Variants in TERT observed in about 807,000 individuals in gnomAD.
TERT encodes the protein telomerase catalytic subunit.
TERT carries 42 observed loss-of-function variants against 104.0 expected under a neutral mutation model. That is an observed-to-expected ratio of 0.40 (90% confidence interval 0.32 to 0.52). The LOEUF (loss-of-function observed/expected upper bound fraction) is 0.52, where lower values mean the gene tolerates loss of function less well. Ranked by LOEUF, TERT falls within the 20% of genes least tolerant of loss-of-function variation. The pLI is 0.43. For missense variants in TERT, 1,101 were observed against 1,610.3 expected (o/e 0.68, Z 5.41); for synonymous variants, 781 against 725.6 (o/e 1.08, Z -1.23).
At chr5:1,266,396 C>A in intron 10 of TERT, 68 bp downstream of exon 10, 1 of 1,350,746 alleles carries the variant, frequency 7.4e-7, no homozygotes. Context: ...AGGGGCAGGA[C>A]ACGGGGGGCT....
rs1231350478 is a variant in TERT at position 1,255,877 on chromosome 5, G to A, written c.3033-466C>T. ...CTTCTGAGCCACCCGCCCCTGTGGT[G>A]CATAAACCCTGGGTCTGGGGTGATG... On this transcript the variant is annotated intron_variant, in intron 13 of 15. Coordinates refer to ENST00000310581, the MANE Select transcript of TERT (RefSeq NM_198253.3). This position sits in a 1 kb window ranked among gnomAD's most constrained non-coding sequence, Gnocchi z 6.9. 6.6e-6 allele frequency among the ~76,000 whole-genome samples: 1 copy of A among 151,998 alleles called. No homozygotes were observed. The highest frequency in any genetic ancestry group is 1.5e-5 in the Non-Finnish European group (1 of 68,004).
In TERT at chr5:1,275,974, C is replaced by T. The variant is rs541603990; in HGVS notation, c.2286+2667G>A. ...AACTCCACAGATCCCCACCTACCCCCACACATAAAAACCAACTCCACAGAT... is the reference window on the plus strand; with the variant it reads ...AACTCCACAGATCCCCACCTACCCCTACACATAAAAACCAACTCCACAGAT... On this transcript the variant is annotated intron_variant, in intron 6 of 15. Transcript: ENST00000310581. Among the ~76,000 whole-genome samples, 9 of 140,400 alleles carry T rather than the reference C, an allele frequency of 6.4e-5. No individual in the cohort carries two copies. The East Asian group carries it at 6.5e-4, about 10-fold the overall frequency. The allele number at this position is 140,400 out of a possible 152,430, so 92.1% of individuals were successfully genotyped here. A position where few individuals can be genotyped will look rare whatever the true frequency, so the allele number is the denominator to read the frequency against.
chr5:1,293,384 G>C lies in TERT; in HGVS notation c.1502C>G (p.Ala501Gly). The C allele has an allele frequency of 6.2e-7, 1 of 1,613,362 alleles. No homozygotes were observed. The highest frequency in any genetic ancestry group is 8.5e-7 in the Non-Finnish European group (1 of 1,180,006). The change falls in exon 2 of 16, where the codon GCC (alanine) becomes GGC (glycine). Residue 501 changes from alanine to glycine, a missense_variant. Around this residue, in one of 5 missense-constraint regions of TERT, gnomAD observed 504 missense variants for 544.6 expected, o/e 0.93. Transcript: ENST00000310581. Reference sequence around the variant, plus strand: ...CGTCAGCTCCTGCAGCGAGAGCTTGGCATGCTTCCCCAGGGAGATGAACTT... The same window carrying C: ...CGTCAGCTCCTGCAGCGAGAGCTTGCCATGCTTCCCCAGGGAGATGAACTT... The part of the protein sequence containing the change: ...TKKFISLGKH[A>G]KLSLQELTWK...
rs375652460 is a variant in TERT at position 1,286,233 on chromosome 5, G to A, written c.1574-3609C>T. ...CTGTGCATCATAAGCAGAGGTCCCC[G>A]GACGTCGCTAGATGCCATGGAGGCC... On this transcript the variant is annotated intron_variant, in intron 2 of 15. Coordinates refer to ENST00000310581, the MANE Select transcript of TERT (RefSeq NM_198253.3). The surrounding 1 kb of genome is among the most constrained non-coding windows in gnomAD (Gnocchi z 5.3). Among the ~76,000 whole-genome samples the A allele has an allele frequency of 7.9e-5, 12 of 152,214 alleles. No homozygotes were observed. The South Asian group carries it at 1.5e-3, about 18-fold the overall frequency.
At chr5:1,253,898 A>AC in intron 15 of TERT, 67 bp from the exon 16 acceptor site, 1 of 1,521,674 alleles carries the variant, frequency 6.6e-7, no homozygotes, top group South Asian at 1.2e-5. Context: ...CCCTCCTAGG[A>AC]CGTGTGGGTG....
intron 9 of TERT, among the ~76,000 whole-genome samples, chr5:1,267,618 A>G (rs533557565): frequency 6.6e-6 from 1 of 152,376 alleles, no homozygotes; most frequent in South Asian, 2.1e-4. Flanking sequence ...GATTAAGAAA[A>G]TGTGGCACAT....
In TERT at chr5:1,268,958, A is replaced by C. The variant is rs1419545730; in HGVS notation, c.2469-325T>G. On this transcript the variant is annotated intron_variant, in intron 8 of 15. Transcript: ENST00000310581. This position sits in a 1 kb window ranked among gnomAD's most constrained non-coding sequence, Gnocchi z 5.5. The stretch of plus-strand genomic sequence containing the variant: ...AGAACCAGACACTTGACCCGGAATG[A>C]ATGCTTAACCGGACTCCTTTTTTTT... Among the ~76,000 whole-genome samples the C allele has an allele frequency of 6.6e-6, 1 of 151,992 alleles. No homozygotes were observed. Among genetic ancestry groups the C allele is most frequent in the Non-Finnish European group, 1.5e-5 (1 of 68,002 alleles).
intron 15 of TERT, among the ~76,000 whole-genome samples, 157 bp from the exon 16 acceptor site, chr5:1,253,988 C>T (rs958364369): frequency 6.6e-6 from 1 of 152,324 alleles, no homozygotes; most frequent in African/African-American, 2.4e-5. Context: ...TCCACCGGGG[C>T]GAGCAGACAG....
chr5:1,267,870 A>AT (rs1462799645), intron 9 of TERT, among the ~76,000 whole-genome samples: 2 of 152,126 alleles, frequency 1.3e-5, no homozygotes, highest in Admixed American at 1.3e-4. Context: ...GCATTAGGAG[A>AT]TATACCTAAT....
intron 2 of TERT, among the ~76,000 whole-genome samples, chr5:1,289,212 C>A (rs1459564282): frequency 2.3e-5 from 3 of 132,248 alleles, no homozygotes; most frequent in Non-Finnish European, 4.9e-5. Flanking sequence ...CCGGGGACGG[C>A]GCCTCACTCA....
In TERT at chr5:1,254,429, G is replaced by C; in HGVS notation, c.3234C>G (p.Phe1078Leu). The C allele has an allele frequency of 6.2e-7, 1 of 1,613,186 alleles. No homozygotes were observed. Among genetic ancestry groups the C allele is most frequent in the Non-Finnish European group, 8.5e-7 (1 of 1,179,960 alleles). ...EAVQWLCHQA[F>L]LLKLTRHRVT... ...CACGGTGTCGAGTCAGCTTGAGCAGGAATGCTTGGTGGCACAGCCACTGCA... is the reference window on the plus strand; with the variant it reads ...CACGGTGTCGAGTCAGCTTGAGCAGCAATGCTTGGTGGCACAGCCACTGCA... The change falls in exon 15 of 16, where the codon TTC becomes TTG. Residue 1078 changes from phenylalanine (F) to leucine (L), a missense_variant. Transcript: ENST00000310581.
chr5:1,293,520 T>G lies in TERT; in HGVS notation c.1366A>C (p.Ser456Arg). 1 of 1,565,592 alleles carries G rather than the reference T, an allele frequency of 6.4e-7. No homozygotes were observed. The highest frequency in any genetic ancestry group is 8.7e-7 in the Non-Finnish European group (1 of 1,155,442). Reference sequence around the variant, plus strand: ...AAGCCGTACACCTGCCAGGGGCTGCTGTGCTGGCGGAGCAGCTGCACCAGG... The same window carrying G: ...AAGCCGTACACCTGCCAGGGGCTGCGGTGCTGGCGGAGCAGCTGCACCAGG... ...RRLVQLLRQH[S>R]SPWQVYGFVR... The change falls in exon 2 of 16, where the codon AGC becomes CGC. Residue 456 changes from serine to arginine, a missense_variant. Physicochemically the swap from Ser to Arg is moderately radical, Grantham distance 110. Around this residue, in one of 5 missense-constraint regions of TERT, gnomAD observed 504 missense variants for 544.6 expected, o/e 0.93. Transcript: ENST00000310581.
chr5:1,272,423 T>A (rs888969123), intron 6 of TERT, 143 bp from the exon 7 acceptor site: 9 of 826,272 alleles, frequency 1.1e-5, no homozygotes, highest in Non-Finnish European at 1.6e-5. Flanking sequence ...GGGAAGCTTC[T>A]GTTTGGGAAA....
At chr5:1,283,189 C>T (rs1037978867) in intron 2 of TERT, among the ~76,000 whole-genome samples, 1 of 143,806 alleles carries the variant, frequency 7.0e-6, no homozygotes, top group South Asian at 2.3e-4. Flanking sequence ...CTGCACCATC[C>T]GGACACCACA....
rs1748533565 is a variant in TERT, at chr5:1,265,582, CAGCCTGCTGT to C, written c.2654+872_2654+881del. The stretch of plus-strand genomic sequence containing the variant: ...GAATCTTAGTGGATTTAAATGTGCA[CAGCCTGCTGT>C]GCTCCGGGCTGCGGCACAAGGAACG... On this transcript the variant is annotated intron_variant, in intron 10 of 15. Coordinates refer to ENST00000310581, the MANE Select transcript of TERT (RefSeq NM_198253.3). This position sits in a 1 kb window ranked among gnomAD's most constrained non-coding sequence, Gnocchi z 6.9. Among the ~76,000 whole-genome samples, 1 of 152,044 alleles carries C rather than the reference CAGCCTGCTGT, an allele frequency of 6.6e-6. No homozygotes were observed. The highest frequency in any genetic ancestry group is 6.5e-5 in the Admixed American group (1 of 15,280).
Position 1,288,898 on chromosome 5 carries a change from C to T in TERT, c.1573+4415G>A, listed in dbSNP as rs1397329951. Among the ~76,000 whole-genome samples, 1 of 152,162 alleles carries T rather than the reference C, an allele frequency of 6.6e-6. No homozygotes were observed. Among genetic ancestry groups the T allele is most frequent in the Admixed American group, 6.5e-5 (1 of 15,284 alleles). ...AGGCGAGAGCCTGCAGTCCCGTGTCCCCGTAGCAAAATGGAACGGAGAGGT... is the reference window on the plus strand; with the variant it reads ...AGGCGAGAGCCTGCAGTCCCGTGTCTCCGTAGCAAAATGGAACGGAGAGGT... On this transcript the variant is annotated intron_variant, in intron 2 of 15. Transcript: ENST00000310581. This position sits in a 1 kb window ranked among gnomAD's most constrained non-coding sequence, Gnocchi z 5.3.
chr5:1,279,803 C>A (rs1749890413), intron 4 of TERT, among the ~76,000 whole-genome samples: 1 of 152,208 alleles, frequency 6.6e-6, no homozygotes, highest in Non-Finnish European at 1.5e-5. Flanking sequence ...GGGCTCCTGG[C>A]AGTCGTGGCC....
rs1434395133 is a variant in TERT, at chr5:1,254,478, G to A, written c.3185C>T (p.Ala1062Val). 2 of 1,612,788 alleles carry A rather than the reference G, an allele frequency of 1.2e-6. No homozygotes were observed. The highest frequency in any genetic ancestry group is 1.1e-5 in the South Asian group (1 of 91,064). The change falls in exon 15 of 16, where the codon GCC becomes GTC. Residue 1062 changes from alanine to valine, a missense_variant. By Grantham distance (64) the Ala-to-Val change is moderately conservative. Coordinates refer to ENST00000310581, the MANE Select transcript of TERT (RefSeq NM_198253.3). ...AGMSLGAKGA[A>V]GPLPSEAVQW... is the part of the protein sequence containing the mutation. The stretch of plus-strand genomic sequence containing the variant: ...CACGGCCTCGGAGGGCAGAGGGCCG[G>A]CGGCGCCCTTGGCCCCCAGCGACAT...
intron 2 of TERT, among the ~76,000 whole-genome samples, chr5:1,283,450 CTAA>C (rs1750204501): frequency 6.7e-6 from 1 of 148,592 alleles, no homozygotes; most frequent in Non-Finnish European, 1.5e-5. Flanking sequence ...GCACATCCAG[CTAA>C]CCGCAGGGCC....
Sources: gnomAD v4.1 joint callset for allele counts (sites outside exome capture counted in the v4.1 genomes callset) on GRCh38, gnomAD v4.1.1 for gene constraint, gnomAD v4.1.1 regional missense constraint, Gnocchi (gnomAD v3.1) non-coding constraint, MANE v1.5 for transcripts, NCBI Gene and HGNC (gene_info 2026-07-23, HGNC 2026-07-21) for gene names.